The following SMURF2 variants were observed in gnomAD, a reference collection of about 807,000 sequenced individuals.
The protein encoded by SMURF2 is E3 ubiquitin-protein ligase SMURF2.
A neutral mutation model predicts 109.6 loss-of-function variants in SMURF2; 48 were observed. The observed-to-expected ratio is 0.44, with a 90% CI of 0.35 to 0.56. The LOEUF is 0.56. SMURF2 is among the 20% of genes least tolerant of loss of function. SMURF2 has a pLI of 0.01. For synonymous variants in SMURF2, 288 were observed against 317.1 expected, an observed-to-expected ratio of 0.91 and a Z score of 0.97; for missense variants, 575 against 909.0, an observed-to-expected ratio of 0.63 and a Z score of 4.72.
Position 64,636,624 on chromosome 17 carries a change from A to T in SMURF2, c.52+25205T>A, listed in dbSNP as rs868990468. On this transcript the variant is annotated intron_variant, in intron 1 of 18. Transcript: ENST00000262435. ...CCTCAAAAAAAAAAAAAAAAAAAAAAAAAAATTAGCTGGGCATGGTGGTGT... is the reference window on the plus strand; with the variant it reads ...CCTCAAAAAAAAAAAAAAAAAAAAATAAAAATTAGCTGGGCATGGTGGTGT... Among the ~76,000 whole-genome samples, 974 of 149,170 alleles carry T rather than the reference A, an allele frequency of 6.5e-3. 16 individuals are homozygous for T. The highest frequency in any genetic ancestry group is 0.022 in the African/African-American group (887 of 40,562).
chr17:64,646,425 C>T (rs1970560709), intron 1 of SMURF2, among the ~76,000 whole-genome samples: 1 of 149,530 alleles, frequency 6.7e-6, no homozygotes, highest in Admixed American at 6.7e-5. Flanking sequence ...GCTCTATCGC[C>T]CAGGCTGGAG....
intron 1 of SMURF2, among the ~76,000 whole-genome samples, chr17:64,626,953 A>AACCTCTAG (rs1369833204): frequency 6.6e-6 from 1 of 151,390 alleles, no homozygotes; most frequent in Non-Finnish European, 1.5e-5. Flanking sequence ...AACAAACAAA[A>AACCTCTAG]ACCTCTAGAT....
At chr17:64,572,597 T>C (rs1969412913) in intron 9 of SMURF2, among the ~76,000 whole-genome samples, 2 of 152,198 alleles carry the variant, frequency 1.3e-5, no homozygotes, top group East Asian at 1.9e-4. Flanking sequence ...CCAAAGACTA[T>C]TGCTATTATA....
At chr17:64,626,077 C>T (rs534116867) in intron 1 of SMURF2, among the ~76,000 whole-genome samples, 19 of 151,634 alleles carry the variant, frequency 1.3e-4, no homozygotes, top group African/African-American at 2.7e-4. Context: ...AGTTCGAGAC[C>T]GAAACCCCAT....
rs1405606900 is a variant in SMURF2, at chr17:64,561,899, C to T, written c.1213-296G>A. ...CCTGTAGTCCTAGCTACTTGGAAGG[C>T]TAAGGTGGGAGGACTGCTTGAGCCC... On this transcript the variant is annotated intron_variant, in intron 11 of 18. Coordinates refer to ENST00000262435, the MANE Select transcript of SMURF2 (RefSeq NM_022739.4). 4.6e-5 allele frequency among the ~76,000 whole-genome samples: 7 copies of T among 152,076 alleles called. No individual in the cohort carries two copies. In the East Asian group the frequency reaches 1.4e-3, roughly 29 times the overall value.
At chr17:64,636,170 A>G (rs1479672930) in intron 1 of SMURF2, among the ~76,000 whole-genome samples, 2 of 152,092 alleles carry the variant, frequency 1.3e-5, no homozygotes, top group African/African-American at 2.4e-5. Context: ...ATGTGGTCTC[A>G]CTATGCTGCC....
chr17:64,615,574 A>G (rs1258947005), intron 1 of SMURF2, among the ~76,000 whole-genome samples: 1 of 152,174 alleles, frequency 6.6e-6, no homozygotes, highest in African/African-American at 2.4e-5. Flanking sequence ...TAAACATGAA[A>G]TGAAAATGAA....
chr17:64,546,231 G>T, intron 18 of SMURF2, 32 bp downstream of exon 18: 1 of 1,596,762 alleles, frequency 6.3e-7, no homozygotes, highest in Non-Finnish European at 8.6e-7. Flanking sequence ...TATGTACATG[G>T]AATGGGGAAT....
intron 1 of SMURF2, among the ~76,000 whole-genome samples, chr17:64,622,761 C>CT (rs1404883990): frequency 2.0e-5 from 3 of 152,168 alleles, no homozygotes; most frequent in Non-Finnish European, 2.9e-5. Flanking sequence ...TAAAGTTCCT[C>CT]TTTTTCCCCC....
chr17:64,627,059 T>C (rs535436095), intron 1 of SMURF2, among the ~76,000 whole-genome samples: 73 of 151,434 alleles, frequency 4.8e-4, no homozygotes, highest in African/African-American at 1.7e-3. Context: ...CCTGTACAAA[T>C]TACAGATTCA....
chr17:64,617,849 A>T lies in SMURF2; in HGVS notation c.53-11209T>A, dbSNP rs146385558. Among the ~76,000 whole-genome samples the T allele has an allele frequency of 2.2e-3, 330 of 152,284 alleles. 1 individual carries two copies. Among genetic ancestry groups the T allele is most frequent in the Non-Finnish European group, 3.8e-3 (260 of 68,006 alleles). ...AGTAACTACTTAAAAATTTTTTTTC[A>T]ACAAAGATGAAGATTTTGGTAAAGT... On this transcript the variant is annotated intron_variant, in intron 1 of 18. Coordinates refer to ENST00000262435, the MANE Select transcript of SMURF2 (RefSeq NM_022739.4).
intron 2 of SMURF2, among the ~76,000 whole-genome samples, chr17:64,601,927 G>GTGTA (rs1441934677): frequency 2.7e-5 from 4 of 145,736 alleles, no homozygotes; most frequent in African/African-American, 1.0e-4. Flanking sequence ...ATATGTGTGT[G>GTGTA]TATATATATA....
At chr17:64,566,239 CTTT>C (rs1400647209) in intron 10 of SMURF2, among the ~76,000 whole-genome samples, 1 of 146,836 alleles carries the variant, frequency 6.8e-6, no homozygotes, top group Non-Finnish European at 1.5e-5. Context: ...CCTTATGAAT[CTTT>C]TTAAAACTAC....
At chr17:64,608,879 A>C (rs1368658735) in intron 1 of SMURF2, among the ~76,000 whole-genome samples, 1 of 152,146 alleles carries the variant, frequency 6.6e-6, no homozygotes, top group Admixed American at 6.5e-5. Context: ...GTCAACATTT[A>C]AACATACTCA....
At chr17:64,616,991 G>A (rs1215478400) in intron 1 of SMURF2, among the ~76,000 whole-genome samples, 1 of 134,888 alleles carries the variant, frequency 7.4e-6, no homozygotes, top group African/African-American at 2.8e-5. Context: ...TAAGGTGGAA[G>A]AATCACCTGA....
At chr17:64,630,315 AT>A (rs1970321327) in intron 1 of SMURF2, among the ~76,000 whole-genome samples, 1 of 152,186 alleles carries the variant, frequency 6.6e-6, no homozygotes, top group Non-Finnish European at 1.5e-5. Context: ...GAGGCTTCTG[AT>A]TTTTAAAAGT....
chr17:64,551,064 G>A (rs550791909), intron 16 of SMURF2, among the ~76,000 whole-genome samples: 1 of 151,992 alleles, frequency 6.6e-6, no homozygotes, highest in Non-Finnish European at 1.5e-5. Context: ...CACAATATAA[G>A]AGAGACTGCT....
intron 1 of SMURF2, among the ~76,000 whole-genome samples, chr17:64,633,867 T>C (rs1296066458): frequency 6.6e-6 from 1 of 151,328 alleles, no homozygotes; most frequent in Non-Finnish European, 1.5e-5. Flanking sequence ...AAACATAAAA[T>C]TTATATAGGC....
intron 8 of SMURF2, among the ~76,000 whole-genome samples, chr17:64,579,510 T>G (rs1237112376): frequency 1.3e-5 from 2 of 152,152 alleles, no homozygotes; most frequent in Admixed American, 6.5e-5. Context: ...TCCACTTTAT[T>G]TTTATGTTTT....
Sources: allele counts gnomAD v4.1 joint callset (sites outside exome capture counted in the v4.1 genomes callset), GRCh38; gene constraint gnomAD v4.1.1; transcripts MANE v1.5; gene names NCBI Gene and HGNC (gene_info 2026-07-23, HGNC 2026-07-21).